Variants in TMEM217 observed in about 807,000 individuals in gnomAD.
TMEM217 encodes the protein transmembrane protein 217, also known as chromosome 6 open reading frame 128.
For missense variants in TMEM217, 204 were observed against 248.8 expected (o/e 0.82, Z 1.21); for synonymous variants, 76 against 88.3 (o/e 0.86, Z 0.78).
At chr6:37,258,094 C>T (rs961907137) in exon 1 of TMEM217, 36 of 1,148,724 alleles carry the variant, frequency 3.1e-5, no homozygotes, top group Non-Finnish European at 4.1e-5. Context: ...GAAGCTGGGA[C>T]TGCCTGGTGG....
intron 1 of TMEM217, among the ~76,000 whole-genome samples, chr6:37,245,452 C>A (rs912800672): frequency 6.6e-5 from 10 of 152,250 alleles, no homozygotes; most frequent in African/African-American, 2.4e-4. Context: ...AAACTCCTCC[C>A]GATTCGAAGT....
At chr6:37,257,787 T>G (rs961868770) in exon 1 of TMEM217, 2 of 973,560 alleles carry the variant, frequency 2.1e-6, no homozygotes, top group African/African-American at 3.3e-5. Context: ...CAAGATGGCG[T>G]CCCCAGGAGC....
At chr6:37,224,394 C>G (rs1479322091) in intron 1 of TMEM217, among the ~76,000 whole-genome samples, 1 of 149,808 alleles carries the variant, frequency 6.7e-6, no homozygotes. Context: ...GTCAGGAGAT[C>G]GAGACCATCC....
chr6:37,243,668 G>A (rs898844915), intron 1 of TMEM217, among the ~76,000 whole-genome samples: 3 of 152,030 alleles, frequency 2.0e-5, no homozygotes, highest in African/African-American at 7.2e-5. Flanking sequence ...GCATGATCTC[G>A]GCTCACTGCA....
chr6:37,217,949 A>C, exon 2 of TMEM217: 1 of 987,350 alleles, frequency 1.0e-6, no homozygotes. Context: ...CCTTTAACTA[A>C]ATACCCTCAA....
At chr6:37,215,119 G>A, downstream of TMEM217, 2 of 1,573,830 alleles carry the variant, frequency 1.3e-6, no homozygotes, top group African/African-American at 1.4e-5. Flanking sequence ...TCTCTCTTGG[G>A]TCACTATAAT....
rs74398542 is a variant in TMEM217 at position 37,241,099 on chromosome 6, C to CTT, written c.-12+16467_-12+16468dup. On this transcript the variant is annotated intron_variant, in intron 1 of 1. Transcript: ENST00000357219. ...TTCTATATATAATAAAAGTATTACTCTTTTTTTTTTTTTTTTTGAGACAGG... is the reference window on the plus strand; with the variant it reads ...TTCTATATATAATAAAAGTATTACTCTTTTTTTTTTTTTTTTTTTGAGACAGG... 5.5e-4 allele frequency among the ~76,000 whole-genome samples: 73 copies of CTT among 132,890 alleles called. 1 individual carries two copies. The highest frequency in any genetic ancestry group is 1.3e-3 in the African/African-American group (47 of 35,476). 87.2% of individuals were successfully genotyped at this position (132,890 alleles called of 152,430 possible). A position where few individuals can be genotyped will look rare whatever the true frequency, so the allele number is the denominator to read the frequency against.
At chr6:37,239,664 A>T (rs1327810060) in intron 1 of TMEM217, among the ~76,000 whole-genome samples, 1 of 152,148 alleles carries the variant, frequency 6.6e-6, no homozygotes, top group East Asian at 1.9e-4. Flanking sequence ...AATTGCTCTC[A>T]TCAAGTTGAC....
intron 1 of TMEM217, among the ~76,000 whole-genome samples, chr6:37,238,309 A>C (rs953701228): frequency 3.9e-5 from 6 of 152,206 alleles, no homozygotes; most frequent in Non-Finnish European, 8.8e-5. Context: ...TATTTTTGTT[A>C]TCATTATTTT....
At chr6:37,220,867 A>G (rs968920106) in intron 1 of TMEM217, among the ~76,000 whole-genome samples, 1 of 152,294 alleles carries the variant, frequency 6.6e-6, no homozygotes, top group Admixed American at 6.5e-5. Flanking sequence ...AACTATGATT[A>G]CTATATTTTT....
At chr6:37,213,672 A>G (rs1350247890), downstream of TMEM217, among the ~76,000 whole-genome samples, 1 of 152,252 alleles carries the variant, frequency 6.6e-6, no homozygotes, top group Non-Finnish European at 1.5e-5. Flanking sequence ...CCTGAGCTCT[A>G]GAGGTCAACT....
exon 1 of TMEM217, chr6:37,258,045 G>A: frequency 1.3e-6 from 2 of 1,537,282 alleles, no homozygotes; most frequent in Non-Finnish European, 1.8e-6. Flanking sequence ...TGAATCCCGC[G>A]GGCCTGGGGC....
chr6:37,248,408 A>G (rs528420022), intron 1 of TMEM217, among the ~76,000 whole-genome samples: 1 of 152,302 alleles, frequency 6.6e-6, no homozygotes, highest in Admixed American at 6.5e-5. Context: ...AGGCAAAATC[A>G]TATGTTTTTA....
Position 37,230,012 on chromosome 6 carries a change from G to A in TMEM217, c.-11-10971C>T, listed in dbSNP as rs1377565878. On this transcript the variant is annotated intron_variant, in intron 1 of 1. Coordinates refer to ENST00000357219, the Ensembl canonical transcript of TMEM217. ...CTCCTTCAGTTTGTTGGCTGAATTCGTTTCCTTGCATTTGTAGAACAAAGA... is the reference window on the plus strand; with the variant it reads ...CTCCTTCAGTTTGTTGGCTGAATTCATTTCCTTGCATTTGTAGAACAAAGA... Among the ~76,000 whole-genome samples, 8 of 152,284 alleles carry A rather than the reference G, an allele frequency of 5.3e-5. No individual in the cohort carries two copies. In the East Asian group the frequency reaches 7.7e-4, roughly 15 times the overall value.
intron 1 of TMEM217, among the ~76,000 whole-genome samples, chr6:37,240,634 T>C (rs747825785): frequency 1.3e-5 from 2 of 152,174 alleles, no homozygotes; most frequent in African/African-American, 4.8e-5. Flanking sequence ...CATAAGGGTG[T>C]AAATACCAGG....
chr6:37,222,332 T>G (rs1763571623), intron 1 of TMEM217, among the ~76,000 whole-genome samples: 1 of 152,120 alleles, frequency 6.6e-6, no homozygotes, highest in African/African-American at 2.4e-5. Flanking sequence ...CCCCCAGGGC[T>G]CGACCCCAAC....
At chr6:37,217,624 G>A (rs969340009), downstream of TMEM217, 39 of 985,116 alleles carry the variant, frequency 4.0e-5, no homozygotes, top group African/African-American at 3.7e-4. Context: ...GGGGAAATTC[G>A]AGACATAAAT....
Position 37,242,156 on chromosome 6 carries a change from T to G in TMEM217, c.-12+15412A>C, listed in dbSNP as rs965828138. On this transcript the variant is annotated intron_variant, in intron 1 of 1. Transcript: ENST00000357219. ...ACTGTGAAGGGCTTGATGTCCAGAC[T>G]TCAGTGGTCCCACTGCTCATAGCCC... Among the ~76,000 whole-genome samples the G allele has an allele frequency of 2.0e-5, 3 of 152,256 alleles. No homozygotes were observed. The East Asian group carries it at 5.8e-4, about 29-fold the overall frequency.
At chr6:37,214,121 T>C (rs773939054), downstream of TMEM217, among the ~76,000 whole-genome samples, 3 of 152,210 alleles carry the variant, frequency 2.0e-5, no homozygotes, top group Non-Finnish European at 4.4e-5. Flanking sequence ...ATATACAGAA[T>C]GTAAAATTCA....
Sources: allele counts gnomAD v4.1 joint callset (sites outside exome capture counted in the v4.1 genomes callset), GRCh38; gene constraint gnomAD v4.1.1; transcripts MANE v1.5; gene names NCBI Gene and HGNC (gene_info 2026-07-23, HGNC 2026-07-21).